LIMS1: variants seen among roughly 807,000 people sequenced by gnomAD.
LIMS1 encodes LIM and senescent cell antigen-like-containing domain protein 1.
In LIMS1, 18 loss-of-function variants were observed where a neutral mutation model predicts 44.1. The observed-to-expected ratio is 0.41, with a 90% CI of 0.28 to 0.61. The LOEUF (loss-of-function observed/expected upper bound fraction) is 0.61, where lower values mean the gene tolerates loss of function less well. Ranked by LOEUF, LIMS1 falls within the 20% of genes least tolerant of loss-of-function variation. The probability of loss-of-function intolerance (pLI) is 0.32; values close to 1 mark genes in which losing one functional copy is unlikely to be tolerated. For missense variants in LIMS1, 201 were observed against 422.0 expected, an observed-to-expected ratio of 0.48 and a Z score of 4.59; for synonymous variants, 93 against 149.1, an observed-to-expected ratio of 0.62 and a Z score of 2.74.
chr2:108,582,617 A>T (rs1033031759), intron 1 of LIMS1, among the ~76,000 whole-genome samples: 2 of 151,936 alleles, frequency 1.3e-5, no homozygotes, highest in African/African-American at 4.8e-5. Context: ...AAAATATGAA[A>T]ATTTGCTAGG....
chr2:108,551,986 G>A (rs1226592734), intron 1 of LIMS1, among the ~76,000 whole-genome samples: 2 of 141,652 alleles, frequency 1.4e-5, no homozygotes, highest in African/African-American at 2.6e-5. Context: ...TATATATGGA[G>A]GAACCATGCC....
chr2:108,615,510 C>T (rs1386527529), intron 1 of LIMS1, among the ~76,000 whole-genome samples: 8 of 151,994 alleles, frequency 5.3e-5, no homozygotes, highest in African/African-American at 1.9e-4. Context: ...TTTTGTGGTC[C>T]TTATCTACTC....
At chr2:108,640,491 G>C (rs1311095069) in intron 1 of LIMS1, among the ~76,000 whole-genome samples, 1 of 152,196 alleles carries the variant, frequency 6.6e-6, no homozygotes, top group Non-Finnish European at 1.5e-5. Flanking sequence ...TTGTGTTGCA[G>C]AACCCCATGG....
chr2:108,573,306 C>CT (rs1313789655), intron 1 of LIMS1, among the ~76,000 whole-genome samples: 4,850 of 140,992 alleles, frequency 0.034, 256 homozygotes, highest in African/African-American at 0.12. Context: ...CTTTTCTTTT[C>CT]TTTTTTTTTT....
At chr2:108,611,999 T>C in intron 1 of LIMS1, among the ~76,000 whole-genome samples, 1 of 134,584 alleles carries the variant, frequency 7.4e-6, no homozygotes, top group African/African-American at 2.9e-5. Flanking sequence ...ATATATTATA[T>C]ATACACACAT....
intron 1 of LIMS1, among the ~76,000 whole-genome samples, chr2:108,538,894 C>T (rs1239926718): frequency 6.6e-6 from 1 of 152,146 alleles, no homozygotes; most frequent in Non-Finnish European, 1.5e-5. Flanking sequence ...TGCTTTTTTA[C>T]TTCAACAAGC....
rs1553459739 is a variant in LIMS1 at position 108,611,836 on chromosome 2, A to AATACATATATATATAT, written c.33-47766_33-47765insCATATATATATATATA. Among the ~76,000 whole-genome samples, 5 of 130,982 alleles carry AATACATATATATATAT rather than the reference A, an allele frequency of 3.8e-5. 1 individual carries two copies. The East Asian group carries it at 1.2e-3, about 32-fold the overall frequency. The allele number at this position is 130,982 out of a possible 152,430, so 85.9% of individuals were successfully genotyped here. A position where few individuals can be genotyped will look rare whatever the true frequency, so the allele number is the denominator to read the frequency against. Reference sequence around the variant, plus strand: ...GAAGTTGCTGTGAACCATGATCTAAAATATATATATATATATATACACACA... The same window carrying AATACATATATATATAT: ...GAAGTTGCTGTGAACCATGATCTAAAATACATATATATATATATATATATATATATATATACACACA... On this transcript the variant is annotated intron_variant, in intron 1 of 9. Coordinates refer to ENST00000544547, the Ensembl canonical transcript of LIMS1.
At chr2:108,562,700 A>C (rs1685163597) in intron 1 of LIMS1, among the ~76,000 whole-genome samples, 1 of 152,238 alleles carries the variant, frequency 6.6e-6, no homozygotes, top group African/African-American at 2.4e-5. Flanking sequence ...GTGAAGCAGC[A>C]GGTGCTGATG....
At chr2:108,565,462 T>C (rs1396515156) in intron 1 of LIMS1, among the ~76,000 whole-genome samples, 2 of 152,338 alleles carry the variant, frequency 1.3e-5, no homozygotes, top group East Asian at 1.9e-4. Flanking sequence ...TATAATTCTA[T>C]CTTGAAAGAC....
At chr2:108,570,551 A>C (rs1055636434) in intron 1 of LIMS1, among the ~76,000 whole-genome samples, 2 of 152,094 alleles carry the variant, frequency 1.3e-5, no homozygotes, top group Non-Finnish European at 2.9e-5. Flanking sequence ...AACCTTTTTA[A>C]TGCCAAACTA....
chr2:108,588,998 G>A (rs1172932419), intron 1 of LIMS1, among the ~76,000 whole-genome samples: 4 of 152,148 alleles, frequency 2.6e-5, no homozygotes, highest in Non-Finnish European at 5.9e-5. Flanking sequence ...AAAGACCTTA[G>A]TAATGCTTTT....
At chr2:108,679,590 G>A (rs1169088191) in intron 8 of LIMS1, among the ~76,000 whole-genome samples, 2 of 152,284 alleles carry the variant, frequency 1.3e-5, no homozygotes, top group East Asian at 3.9e-4. Flanking sequence ...CCTAGAAACA[G>A]TATCCTGCAC....
intron 1 of LIMS1, among the ~76,000 whole-genome samples, chr2:108,637,097 ATATGTGTGTGTGTGTGTGTGTG>A (rs1221998859): frequency 9.0e-4 from 119 of 132,128 alleles, no homozygotes; most frequent in Middle Eastern, 3.9e-3. Flanking sequence ...AAATATACAT[ATATGTGTGTGTGTGTGTGTGTG>A]TGTGTGTGTG....
At chr2:108,566,602 A>AT (rs1005401232) in intron 1 of LIMS1, among the ~76,000 whole-genome samples, 77 of 146,648 alleles carry the variant, frequency 5.3e-4, no homozygotes, top group South Asian at 2.0e-3. Context: ...CATCTTAAAC[A>AT]TTTTTTTTTT....
At chr2:108,547,055 G>C (rs1421451157) in intron 1 of LIMS1, among the ~76,000 whole-genome samples, 1 of 152,198 alleles carries the variant, frequency 6.6e-6, no homozygotes, top group Non-Finnish European at 1.5e-5. Context: ...GGGAGTTGTG[G>C]TTTGAAGTTG....
chr2:108,606,819 A>T (rs1033536112), intron 1 of LIMS1, among the ~76,000 whole-genome samples: 1 of 152,352 alleles, frequency 6.6e-6, no homozygotes, highest in Admixed American at 6.5e-5. Context: ...GTTCATCCAC[A>T]TAGAGAAATG....
In LIMS1 at chr2:108,676,935, C is replaced by T; in HGVS notation, c.774+237C>T. 7.9e-6 allele frequency: 4 copies of T among 504,524 alleles called. No individual in the cohort carries two copies. The South Asian group carries it at 1.4e-4, about 18-fold the overall frequency. 31.3% of individuals were successfully genotyped at this position (504,524 alleles called of 1,614,324 possible). On this transcript the variant is annotated intron_variant, in intron 7 of 9. Coordinates refer to ENST00000544547, the Ensembl canonical transcript of LIMS1. ...TTATCATTTCCCAAGCTCAGTCTTC[C>T]TGTGTAAAACACATAGTTACGTAAA...
At chr2:108,569,414 C>T (rs189353751) in intron 1 of LIMS1, among the ~76,000 whole-genome samples, 6 of 152,192 alleles carry the variant, frequency 3.9e-5, no homozygotes, top group Admixed American at 2.6e-4. Context: ...GTTGCCTAGT[C>T]CAATGTCATG....
intron 1 of LIMS1, among the ~76,000 whole-genome samples, chr2:108,559,848 A>T (rs893589156): frequency 6.6e-6 from 1 of 152,188 alleles, no homozygotes; most frequent in Non-Finnish European, 1.5e-5. Flanking sequence ...AGCAGCCTTA[A>T]AAACTGTTAT....
Sources: gnomAD v4.1 joint callset for allele counts (sites outside exome capture counted in the v4.1 genomes callset) on GRCh38, gnomAD v4.1.1 for gene constraint, MANE v1.5 for transcripts, NCBI Gene and HGNC (gene_info 2026-07-23, HGNC 2026-07-21) for gene names.